The following ZNF827 variants were observed in gnomAD, a reference collection of about 807,000 sequenced individuals.
The protein encoded by ZNF827 is zinc finger protein 827.
In ZNF827, 13 loss-of-function variants were observed where a neutral mutation model predicts 102.4. The ratio of observed to expected loss-of-function variants is 0.13; its 90% CI spans 0.08 to 0.20. The LOEUF is 0.20. Among genes scored for constraint, ZNF827 ranks in the 10% least tolerant of loss-of-function variants. ZNF827 has a pLI of 1.00. For synonymous variants in ZNF827, 523 were observed against 536.2 expected (o/e 0.98, Z 0.34); for missense variants, 1,103 against 1,344.4 (o/e 0.82, Z 2.81).
intron 8 of ZNF827, among the ~76,000 whole-genome samples, chr4:145,807,809 A>C (rs1248185724): frequency 1.3e-5 from 2 of 151,832 alleles, no homozygotes; most frequent in African/African-American, 4.8e-5. Flanking sequence ...ACAAAAAAAA[A>C]ACAAAAAACA....
intron 3 of ZNF827, among the ~76,000 whole-genome samples, chr4:145,887,568 C>T (rs1453931868): frequency 4.6e-5 from 7 of 152,178 alleles, no homozygotes; most frequent in Non-Finnish European, 1.5e-5. Flanking sequence ...CACTTAAACT[C>T]AGTTAGGCAA....
At chr4:145,855,684 G>A (rs13128681) in intron 5 of ZNF827, among the ~76,000 whole-genome samples, 46,359 of 152,132 alleles carry the variant, frequency 0.3, 7,375 homozygotes, top group Non-Finnish European at 0.34. Context: ...CTACTGGAGT[G>A]GAGGCCAAGG....
intron 8 of ZNF827, among the ~76,000 whole-genome samples, chr4:145,808,215 A>G (rs1285282083): frequency 6.6e-6 from 1 of 152,090 alleles, no homozygotes; most frequent in African/African-American, 2.4e-5. Flanking sequence ...AATCCACATA[A>G]CCAATTAATT....
Position 145,763,353 on chromosome 4 carries a change from A to G in ZNF827, c.3231-231T>C, listed in dbSNP as rs1414962922. ...TAAAGACACTCTCTCAGGCAAATTAATTCTCTGATATGGCAAAGGAAACAA... is the reference window on the plus strand; with the variant it reads ...TAAAGACACTCTCTCAGGCAAATTAGTTCTCTGATATGGCAAAGGAAACAA... On this transcript the variant is annotated intron_variant, in intron 13 of 14. Transcript: ENST00000508784. The surrounding 1 kb of genome is among the most constrained non-coding windows in gnomAD (Gnocchi z 4.6). Among the ~76,000 whole-genome samples, 1 of 152,238 alleles carries G rather than the reference A, an allele frequency of 6.6e-6. No homozygotes were observed. Among genetic ancestry groups the G allele is most frequent in the African/African-American group, 2.4e-5 (1 of 41,466 alleles).
intron 1 of ZNF827, among the ~76,000 whole-genome samples, chr4:145,908,042 A>G (rs1173928665): frequency 6.6e-6 from 1 of 152,208 alleles, no homozygotes; most frequent in East Asian, 1.9e-4. Flanking sequence ...CATTCTCGGT[A>G]GAGAATGTCT....
intron 5 of ZNF827, among the ~76,000 whole-genome samples, chr4:145,854,265 T>C (rs1746843054): frequency 6.6e-6 from 1 of 151,882 alleles, no homozygotes; most frequent in Non-Finnish European, 1.5e-5. Context: ...GAGGTTGTGA[T>C]GGCTTACAGG....
intron 8 of ZNF827, among the ~76,000 whole-genome samples, chr4:145,781,682 A>G (rs780670112): frequency 1.3e-5 from 2 of 152,170 alleles, no homozygotes; most frequent in African/African-American, 2.4e-5. Context: ...GACAAGAACT[A>G]CTCTTAAACA....
At chr4:145,849,179 G>T in intron 6 of ZNF827, 143 bp downstream of exon 6, 1 of 955,158 alleles carries the variant, frequency 1.0e-6, no homozygotes, top group Non-Finnish European at 1.5e-6. Flanking sequence ...AGTTTGGGTG[G>T]CAGTATGCAT....
chr4:145,875,925 A>T (rs1271393472), intron 4 of ZNF827, among the ~76,000 whole-genome samples: 1 of 152,212 alleles, frequency 6.6e-6, no homozygotes, highest in Non-Finnish European at 1.5e-5. Context: ...AAAATTAATT[A>T]ATTTAAAATT....
In ZNF827 at chr4:145,760,074, A is replaced by T. The variant is rs1489170243; in HGVS notation, c.*1542T>A. ...ATTCCTCGCCTCTTCATCACCAGAG[A>T]AGATCTGAGCGCAAGGTCTCCAGCG... On this transcript the variant is annotated 3_prime_UTR_variant, in exon 15 of 15. Coordinates refer to ENST00000508784, the MANE Select transcript of ZNF827 (RefSeq NM_001306215.2). The T allele has an allele frequency of 6.6e-6, 1 of 152,224 alleles. No homozygotes were observed. Among genetic ancestry groups the T allele is most frequent in the Non-Finnish European group, 1.5e-5 (1 of 68,048 alleles). The allele number at this position is 152,224 out of a possible 1,614,324, so 9.4% of individuals were successfully genotyped here.
intron 1 of ZNF827, among the ~76,000 whole-genome samples, chr4:145,937,689 C>A (rs1272385350): frequency 6.9e-6 from 1 of 145,972 alleles, no homozygotes; most frequent in African/African-American, 2.5e-5. Context: ...CTCGCCCGCC[C>A]CCGACTCCCC....
At chr4:145,794,329 TG>T (rs1231209281) in intron 8 of ZNF827, among the ~76,000 whole-genome samples, 1 of 152,224 alleles carries the variant, frequency 6.6e-6, no homozygotes, top group East Asian at 1.9e-4. Flanking sequence ...TGGTGTCTTC[TG>T]AGCTGAAAAT....
At chr4:145,907,714 C>A (rs898167222) in intron 1 of ZNF827, among the ~76,000 whole-genome samples, 2 of 152,180 alleles carry the variant, frequency 1.3e-5, no homozygotes, top group Non-Finnish European at 1.5e-5. Flanking sequence ...TTATTTTTAA[C>A]CTCCAGAGAA....
In ZNF827 at chr4:145,823,485, T is replaced by G; in HGVS notation, c.2320A>C (p.Thr774Pro). 1 of 1,609,358 alleles carries G rather than the reference T, an allele frequency of 6.2e-7. No homozygotes were observed. The highest frequency in any genetic ancestry group is 1.6e-4 in the Middle Eastern group (1 of 6,062). Reference protein sequence around the residue: ...SEDTFRQSPFTSNSKELLPSD... With the variant: ...SEDTFRQSPFPSNSKELLPSD... ...GGCAGCAGTTCTTTTGAATTGGAGG[T>G]GAATGGTGATTGTCTAAATGTGTCT... The change falls in exon 8 of 15, where the codon ACC (threonine) becomes CCC (proline). Residue 774 changes from threonine (T) to proline (P), a missense_variant. Around this residue, in one of 5 missense-constraint regions of ZNF827, gnomAD observed 243 missense variants for 251.6 expected, o/e 0.97. Coordinates refer to ENST00000508784, the MANE Select transcript of ZNF827 (RefSeq NM_001306215.2).
chr4:145,827,671 C>T (rs1275376646), intron 7 of ZNF827, among the ~76,000 whole-genome samples: 1 of 152,202 alleles, frequency 6.6e-6, no homozygotes, highest in Non-Finnish European at 1.5e-5. Flanking sequence ...GTGTATTAAT[C>T]CTTCTGGTAC....
intron 7 of ZNF827, among the ~76,000 whole-genome samples, chr4:145,837,276 T>G (rs1036196685): frequency 6.6e-6 from 1 of 152,172 alleles, no homozygotes; most frequent in Non-Finnish European, 1.5e-5. Context: ...GTAAAGGTCT[T>G]TTAAAACACA....
Position 145,849,451 on chromosome 4 carries a change from T to G in ZNF827, c.2092A>C (p.Thr698Pro). ...TCGGTTTTCTCTCGCCCGATTAAAG[T>G]GCTGTAGCCAACATTCCGGCTGGGT... ...ISPSRNVGYSTLIGREKTEPL... is the reference protein window; with the variant it reads ...ISPSRNVGYSPLIGREKTEPL... The change falls in exon 6 of 15, where the codon ACT becomes CCT. Residue 698 changes from threonine to proline, a missense_variant. This residue lies in a region of ZNF827 where 243 missense variants were observed against 251.6 expected (regional missense o/e 0.97). Coordinates refer to ENST00000508784, the MANE Select transcript of ZNF827 (RefSeq NM_001306215.2). 1 of 1,614,178 alleles carries G rather than the reference T, an allele frequency of 6.2e-7. No individual in the cohort carries two copies. The highest frequency in any genetic ancestry group is 8.5e-7 in the Non-Finnish European group (1 of 1,180,028).
At chr4:145,772,444 C>A (rs1030919052) in intron 11 of ZNF827, among the ~76,000 whole-genome samples, 4 of 152,274 alleles carry the variant, frequency 2.6e-5, no homozygotes, top group African/African-American at 9.6e-5. Context: ...ATACAGGAAA[C>A]CCTTGCTGTG....
At chr4:145,827,330 A>G (rs1396898283) in intron 7 of ZNF827, among the ~76,000 whole-genome samples, 2 of 152,248 alleles carry the variant, frequency 1.3e-5, no homozygotes, top group African/African-American at 4.8e-5. Context: ...GGAGGGGAGT[A>G]GGGACCAGTC....
Sources: gnomAD v4.1 joint callset for allele counts (sites outside exome capture counted in the v4.1 genomes callset) on GRCh38, gnomAD v4.1.1 for gene constraint, gnomAD v4.1.1 regional missense constraint, Gnocchi (gnomAD v3.1) non-coding constraint, MANE v1.5 for transcripts, NCBI Gene and HGNC (gene_info 2026-07-23, HGNC 2026-07-21) for gene names.